Variants in SMYD2 observed in about 807,000 individuals in gnomAD.
The protein encoded by SMYD2 is SET and MYND domain containing 2.
A neutral mutation model predicts 59.1 loss-of-function variants in SMYD2; 53 were observed. That is an observed-to-expected ratio of 0.90 (90% confidence interval 0.72 to 1.13). SMYD2 has a LOEUF of 1.13. Among genes scored for constraint, SMYD2 ranks in the 50% most tolerant of loss-of-function variants. The pLI is 0.00. For synonymous variants in SMYD2, 208 were observed against 198.8 expected, an observed-to-expected ratio of 1.05 and a Z score of -0.39; for missense variants, 494 against 544.7, an observed-to-expected ratio of 0.91 and a Z score of 0.93.
chr1:214,295,656 C>T (rs913115157), intron 1 of SMYD2, among the ~76,000 whole-genome samples: 4 of 152,192 alleles, frequency 2.6e-5, no homozygotes, highest in Non-Finnish European at 4.4e-5. Context: ...TGGTGCTGAG[C>T]GAAGGTTCAG....
chr1:214,319,477 C>CT (rs1157646016), intron 5 of SMYD2, among the ~76,000 whole-genome samples: 1 of 152,140 alleles, frequency 6.6e-6, no homozygotes, highest in Non-Finnish European at 1.5e-5. Flanking sequence ...ATGTGGAAGT[C>CT]TTTCCTGATG....
intron 6 of SMYD2, 87 bp downstream of exon 6, chr1:214,324,795 C>T: frequency 1.7e-6 from 2 of 1,163,146 alleles, no homozygotes; most frequent in East Asian, 2.4e-5. Flanking sequence ...ACCCACCTAA[C>T]TGCATGTGGC....
chr1:214,288,938 C>CGT (rs1553253931), intron 1 of SMYD2, among the ~76,000 whole-genome samples: 2 of 136,730 alleles, frequency 1.5e-5, no homozygotes, highest in Non-Finnish European at 3.1e-5. Flanking sequence ...AGCCCATAGT[C>CGT]TTTTTTTTTT....
intron 1 of SMYD2, among the ~76,000 whole-genome samples, chr1:214,282,035 T>C (rs1656459300): frequency 6.6e-6 from 1 of 152,252 alleles, no homozygotes; most frequent in Admixed American, 6.5e-5. Flanking sequence ...TGAGTTGCAG[T>C]GTCCAGTTTC....
chr1:214,281,538 T>A, intron 1 of SMYD2, 111 bp downstream of exon 1: 1 of 386,586 alleles, frequency 2.6e-6, no homozygotes, highest in Non-Finnish European at 3.6e-6. Flanking sequence ...GCGCCGGCCC[T>A]TGGGGCGGGG....
rs1656562065 is a variant in SMYD2, at chr1:214,287,199, A to G, written c.173+5772A>G. Among the ~76,000 whole-genome samples, 3 of 152,090 alleles carry G rather than the reference A, an allele frequency of 2.0e-5. No homozygotes were observed. In the South Asian group the frequency reaches 6.2e-4, roughly 32 times the overall value. ...ACTTAATTAAATTGTGTGATAAAAT[A>G]TTATAATTTTAGGGGCGTTTTTATG... On this transcript the variant is annotated intron_variant, in intron 1 of 11. Coordinates refer to ENST00000366957, the MANE Select transcript of SMYD2 (RefSeq NM_020197.3).
intron 1 of SMYD2, among the ~76,000 whole-genome samples, chr1:214,284,254 G>GTTTTTTTTTTTTTTTTTTTTT (rs34049644): frequency 1.1e-5 from 1 of 90,364 alleles, no homozygotes; most frequent in Non-Finnish European, 2.0e-5. Context: ...TTTTGGTGTG[G>GTTTTTTTTTTTTTTTTTTTTT]TTTTTTTTTT....
At chr1:214,289,259 G>C (rs547477850) in intron 1 of SMYD2, among the ~76,000 whole-genome samples, 1 of 152,156 alleles carries the variant, frequency 6.6e-6, no homozygotes, top group Non-Finnish European at 1.5e-5. Flanking sequence ...AATTGCAAAG[G>C]AAGTTTCTAC....
At chr1:214,322,933 GCC>G (rs1657196076) in intron 5 of SMYD2, among the ~76,000 whole-genome samples, 1 of 152,190 alleles carries the variant, frequency 6.6e-6, no homozygotes, top group African/African-American at 2.4e-5. Flanking sequence ...GTTTTACAAA[GCC>G]CATCTGTTGG....
chr1:214,332,163 A>G lies in SMYD2; in HGVS notation c.1083A>G (p.Gln361=), dbSNP rs1657366433. 2 of 1,614,182 alleles carry G rather than the reference A, an allele frequency of 1.2e-6. No homozygotes were observed. Among genetic ancestry groups the G allele is most frequent in the African/African-American group, 2.7e-5 (2 of 75,074 alleles). ...TGCAGGACTGGGAAGGAGCCCTGCA[A>G]TATGGACAGAAAATCATTAAGCCCT... is the stretch of plus-strand genomic sequence containing the variant. The part of the protein sequence containing the change: ...LYMQDWEGAL[Q]YGQKIIKPYS... Residue 361 remains glutamine, a synonymous_variant, in exon 10 of 12, where the codon CAA becomes CAG. Coordinates refer to ENST00000366957, the MANE Select transcript of SMYD2 (RefSeq NM_020197.3).
chr1:214,332,922 G>A (rs1657378880), intron 10 of SMYD2: 1 of 152,196 alleles, frequency 6.6e-6, no homozygotes, highest in Non-Finnish European at 1.5e-5. Flanking sequence ...AGTGGGCCAA[G>A]TGAATCAGGG....
At chr1:214,315,865 C>T (rs1401789895) in intron 3 of SMYD2, among the ~76,000 whole-genome samples, 1 of 152,194 alleles carries the variant, frequency 6.6e-6, no homozygotes, top group African/African-American at 2.4e-5. Context: ...ATCTTAGAAG[C>T]ATTCCCAGAG....
At position 214,298,597 on chromosome 1, in the gene SMYD2, C is replaced by A. The variant is rs148358657; in HGVS notation, c.174-6590C>A. On this transcript the variant is annotated intron_variant, in intron 1 of 11. Transcript: ENST00000366957. Reference sequence around the variant, plus strand: ...ACAGCAAAAGAAACTATCAACAGAGCAAACAGACACCCTACAGAGTAGAAG... The same window carrying A: ...ACAGCAAAAGAAACTATCAACAGAGAAAACAGACACCCTACAGAGTAGAAG... 4.2e-3 allele frequency among the ~76,000 whole-genome samples: 644 copies of A among 152,242 alleles called. 7 individuals are homozygous for A. Among genetic ancestry groups the A allele is most frequent in the African/African-American group, 0.015 (603 of 41,546 alleles).
At chr1:214,294,921 T>A (rs1367303015) in intron 1 of SMYD2, among the ~76,000 whole-genome samples, 1 of 152,210 alleles carries the variant, frequency 6.6e-6, no homozygotes, top group African/African-American at 2.4e-5. Flanking sequence ...TTTGGTTTTG[T>A]CATTTTCTTT....
intron 5 of SMYD2, among the ~76,000 whole-genome samples, chr1:214,324,217 G>A (rs1395316683): frequency 2.0e-5 from 3 of 152,202 alleles, no homozygotes; most frequent in East Asian, 1.9e-4. Context: ...GATTACAGGC[G>A]TGAGCTACCA....
chr1:214,281,484 T>C, intron 1 of SMYD2, 57 bp downstream of exon 1: 2 of 1,232,028 alleles, frequency 1.6e-6, no homozygotes, highest in Non-Finnish European at 1.0e-6. Flanking sequence ...AGCGGGAGGC[T>C]TGGACGGCGG....
chr1:214,313,491 C>T (rs866125269), intron 2 of SMYD2, among the ~76,000 whole-genome samples: 48 of 151,446 alleles, frequency 3.2e-4, no homozygotes, highest in Middle Eastern at 3.4e-3. Context: ...CAGTATACAA[C>T]GTGCTCTGAT....
chr1:214,287,315 G>A (rs568069789), intron 1 of SMYD2, among the ~76,000 whole-genome samples: 13 of 151,856 alleles, frequency 8.6e-5, no homozygotes, highest in Non-Finnish European at 1.6e-4. Context: ...GGCTGGGCGC[G>A]GTGGCTCATG....
chr1:214,322,356 T>A (rs1657185659), intron 5 of SMYD2, among the ~76,000 whole-genome samples: 1 of 152,236 alleles, frequency 6.6e-6, no homozygotes, highest in Non-Finnish European at 1.5e-5. Context: ...CATTGGTTAA[T>A]GGTTGTTAGT....
Sources: gnomAD v4.1 joint callset for allele counts (sites outside exome capture counted in the v4.1 genomes callset) on GRCh38, gnomAD v4.1.1 for gene constraint, MANE v1.5 for transcripts, NCBI Gene and HGNC (gene_info 2026-07-23, HGNC 2026-07-21) for gene names.